LIMK2: variants seen among roughly 807,000 people sequenced by gnomAD.
The protein encoded by LIMK2 is LIM domain kinase 2.
In LIMK2, 35 loss-of-function variants were observed where a neutral mutation model predicts 75.7. The observed-to-expected ratio is 0.46, with a 90% CI of 0.35 to 0.61. The LOEUF is 0.61. Among genes scored for constraint, LIMK2 ranks in the 20% least tolerant of loss-of-function variants. The pLI is 0.00. For missense variants in LIMK2, 623 were observed against 831.0 expected (o/e 0.75, Z 3.08); for synonymous variants, 301 against 319.2 (o/e 0.94, Z 0.61).
intron 15 of LIMK2, chr22:31,277,765 C>G (rs752677230): frequency 1.3e-5 from 2 of 156,164 alleles, no homozygotes; most frequent in Non-Finnish European, 2.8e-5. Flanking sequence ...ACAGTAGATA[C>G]AATAAGTAAA....
At chr22:31,264,149 G>A (rs968682827) in intron 7 of LIMK2, among the ~76,000 whole-genome samples, 7 of 152,132 alleles carry the variant, frequency 4.6e-5, no homozygotes, top group African/African-American at 1.7e-4. Flanking sequence ...GATGAAATTA[G>A]TGGGAGGCAG....
intron 9 of LIMK2, 112 bp from the exon 10 acceptor site, chr22:31,267,664 G>A: frequency 8.7e-7 from 1 of 1,152,918 alleles, no homozygotes; most frequent in Non-Finnish European, 1.2e-6. Flanking sequence ...CACAAGATAG[G>A]AGGTAGGAGA....
intron 2 of LIMK2, among the ~76,000 whole-genome samples, chr22:31,242,525 A>G (rs16989439): frequency 0.018 from 2,765 of 152,326 alleles, 86 homozygotes; most frequent in African/African-American, 0.061. Flanking sequence ...CTGTGCCAAC[A>G]TATTTTCTTT....
At chr22:31,235,327 C>T (rs1390316990) in intron 2 of LIMK2, among the ~76,000 whole-genome samples, 2 of 152,188 alleles carry the variant, frequency 1.3e-5, no homozygotes, top group African/African-American at 2.4e-5. Context: ...AATGGCAAGA[C>T]GGAATCAGTT....
At chr22:31,214,597 A>G (rs1362749281) in intron 1 of LIMK2, among the ~76,000 whole-genome samples, 1 of 149,682 alleles carries the variant, frequency 6.7e-6, no homozygotes, top group Non-Finnish European at 1.5e-5. Flanking sequence ...CCCATCCTCT[A>G]CTTTTTTTTT....
intron 2 of LIMK2, among the ~76,000 whole-genome samples, chr22:31,239,644 C>T (rs566256497): frequency 6.6e-6 from 1 of 152,328 alleles, no homozygotes; most frequent in South Asian, 2.1e-4. Context: ...TCGTTATTCT[C>T]TTCATACCTC....
chr22:31,225,122 C>T (rs968954297), intron 1 of LIMK2, among the ~76,000 whole-genome samples: 23 of 152,158 alleles, frequency 1.5e-4, no homozygotes, highest in South Asian at 8.3e-4. Flanking sequence ...ACCATCCCCC[C>T]GCCCCCCAAC....
intron 2 of LIMK2, among the ~76,000 whole-genome samples, chr22:31,243,388 C>T (rs1022751859): frequency 2.0e-5 from 3 of 152,164 alleles, no homozygotes; most frequent in African/African-American, 7.2e-5. Flanking sequence ...GATTGGAGTC[C>T]TCCCAGCCAA....
At chr22:31,259,020 C>T (rs751753016) in intron 3 of LIMK2, 101 bp from the exon 4 acceptor site, 21 of 681,762 alleles carry the variant, frequency 3.1e-5, no homozygotes, top group Non-Finnish European at 5.4e-5. Flanking sequence ...TGACGGGGGC[C>T]TTGCTTGGAG....
In LIMK2 at chr22:31,225,805, C is replaced by T. The variant is rs774026687; in HGVS notation, c.102C>T (p.His34=). ...IWYRTVNETW[H]GSCFRCSECQ... is the part of the protein sequence containing the mutation. ...ACAGGACTGTCAACGAAACCTGGCACGGCTCTTGCTTCCGGTAGGTGGGCC... is the reference window on the plus strand; with the variant it reads ...ACAGGACTGTCAACGAAACCTGGCATGGCTCTTGCTTCCGGTAGGTGGGCC... Residue 34 remains histidine, a synonymous_variant, in exon 2 of 16, where the codon CAC becomes CAT. Coordinates refer to ENST00000331728, the MANE Select transcript of LIMK2 (RefSeq NM_005569.4). 1.1e-5 allele frequency: 18 copies of T among 1,613,574 alleles called. No individual in the cohort carries two copies. The highest frequency in any genetic ancestry group is 6.7e-5 in the East Asian group (3 of 44,880).
At chr22:31,263,291 C>G (rs1377452822) in intron 7 of LIMK2, among the ~76,000 whole-genome samples, 2 of 152,132 alleles carry the variant, frequency 1.3e-5, no homozygotes, top group Non-Finnish European at 2.9e-5. Context: ...GGGAGACTTA[C>G]AGAAAAGAAG....
At chr22:31,277,075 T>G in intron 15 of LIMK2, 1 of 1,613,962 alleles carries the variant, frequency 6.2e-7, no homozygotes, top group South Asian at 1.1e-5. Flanking sequence ...CACAGAGGCC[T>G]TCATCTCTGG....
At position 31,272,577 on chromosome 22, in the gene LIMK2, G is replaced by T; in HGVS notation, c.1431G>T (p.Val477=). The T allele has an allele frequency of 6.2e-7, 1 of 1,613,956 alleles. No individual in the cohort carries two copies. The highest frequency in any genetic ancestry group is 1.1e-5 in the South Asian group (1 of 91,066). Residue 477 remains valine, a synonymous_variant, in exon 13 of 16, where the codon GTG becomes GTT. Coordinates refer to ENST00000331728, the MANE Select transcript of LIMK2 (RefSeq NM_005569.4). ...VADFGLSRLI[V]EERKRAPMEK... The stretch of plus-strand genomic sequence containing the variant: ...ACTTTGGGCTGTCACGGCTCATAGT[G>T]GAAGAGAGGAAAAGGGCCCCCATGG...
intron 11 of LIMK2, among the ~76,000 whole-genome samples, chr22:31,269,030 GTTTT>G (rs923794451): frequency 9.1e-6 from 1 of 110,370 alleles, no homozygotes; most frequent in African/African-American, 2.9e-5. Flanking sequence ...TGGCTTTTTG[GTTTT>G]TTTGTTTGTT....
chr22:31,262,589 C>T lies in LIMK2; in HGVS notation c.658-6C>T. 6.2e-7 allele frequency: 1 copy of T among 1,607,348 alleles called. No individual in the cohort carries two copies. The highest frequency in any genetic ancestry group is 2.2e-5 in the East Asian group (1 of 44,780). ...TGTGGGAGCTTTATACTGCTCTTGG[C>T]CACAGGTGGAGGATGCAATTAGCCA... On this transcript the variant is annotated splice_polypyrimidine_tract_variant and splice_region_variant and intron_variant, in intron 6 of 15. Coordinates refer to ENST00000331728, the MANE Select transcript of LIMK2 (RefSeq NM_005569.4). The surrounding 1 kb of genome is among the most constrained non-coding windows in gnomAD (Gnocchi z 5.0).
chr22:31,225,644 T>C (rs1460575881), intron 1 of LIMK2, 76 bp from the exon 2 acceptor site: 1 of 1,063,948 alleles, frequency 9.4e-7, no homozygotes, highest in African/African-American at 1.6e-5. Context: ...AACTCAGTCT[T>C]ATTCTACATG....
intron 2 of LIMK2, among the ~76,000 whole-genome samples, chr22:31,255,923 A>G (rs2048773576): frequency 1.5e-5 from 2 of 134,226 alleles, no homozygotes; most frequent in South Asian, 4.7e-4. Context: ...CTGCCATTAC[A>G]TTGTCATCAT....
chr22:31,239,751 C>T (rs1422744779), intron 2 of LIMK2, among the ~76,000 whole-genome samples: 1 of 152,172 alleles, frequency 6.6e-6, no homozygotes, highest in African/African-American at 2.4e-5. Flanking sequence ...GTCTTTGTAT[C>T]CCAGAGCTTA....
chr22:31,252,409 G>C (rs889898940), intron 2 of LIMK2, among the ~76,000 whole-genome samples: 4 of 152,046 alleles, frequency 2.6e-5, no homozygotes, highest in Non-Finnish European at 5.9e-5. Flanking sequence ...AGGCATGGTG[G>C]TGTGCACCTG....
Sources: gnomAD v4.1 joint callset for allele counts (sites outside exome capture counted in the v4.1 genomes callset) on GRCh38, gnomAD v4.1.1 for gene constraint, Gnocchi (gnomAD v3.1) non-coding constraint, MANE v1.5 for transcripts, NCBI Gene and HGNC (gene_info 2026-07-23, HGNC 2026-07-21) for gene names.